The following ZNF469 variants were observed in gnomAD, a reference collection of about 807,000 sequenced individuals.
The protein encoded by ZNF469 is zinc finger protein 469.
In ZNF469, 1 loss-of-function variant was observed where a neutral mutation model predicts 1.0. The observed-to-expected ratio is 1.00, with a 90% CI of 0.35 to 4.73. The LOEUF (loss-of-function observed/expected upper bound fraction) is 4.73. Ranked by LOEUF, ZNF469 falls within the 30% of genes most tolerant of loss-of-function variation. The probability of loss-of-function intolerance (pLI) is 0.16; values close to 1 mark genes in which losing one functional copy is unlikely to be tolerated. For missense variants in ZNF469, 6,100 were observed against 5,356.3 expected, an observed-to-expected ratio of 1.14 and a Z score of -4.33; for synonymous variants, 2,703 against 2,363.4, an observed-to-expected ratio of 1.14 and a Z score of -4.17.
the ZNF469 span, among the ~76,000 whole-genome samples, chr16:88,197,734 C>G: frequency 6.6e-6 from 1 of 152,210 alleles, no homozygotes; most frequent in African/African-American, 2.4e-5. Context: ...GCAGGCCCCC[C>G]CAGGGCCGGA....
At chr16:88,220,715 C>G in the ZNF469 span, among the ~76,000 whole-genome samples, 2 of 152,096 alleles carry the variant, frequency 1.3e-5, no homozygotes, top group Non-Finnish European at 2.9e-5. Flanking sequence ...CAAACAGGAA[C>G]CTGAGTCTGT....
the ZNF469 span, among the ~76,000 whole-genome samples, chr16:88,117,376 A>T: frequency 1.4e-4 from 22 of 152,206 alleles, no homozygotes; most frequent in Admixed American, 5.2e-4. Flanking sequence ...TTCAAAAATA[A>T]AAGTTTTTTT....
At chr16:88,286,512 C>A in the ZNF469 span, among the ~76,000 whole-genome samples, 1 of 152,272 alleles carries the variant, frequency 6.6e-6, no homozygotes, top group Admixed American at 6.5e-5. Context: ...CATCCTCTGG[C>A]TGCTGATCTG....
At chr16:88,208,320 C>T in the ZNF469 span, among the ~76,000 whole-genome samples, 1 of 150,896 alleles carries the variant, frequency 6.6e-6, no homozygotes, top group Non-Finnish European at 1.5e-5. Flanking sequence ...CTGTCACGTG[C>T]CGCAATCTGG....
the ZNF469 span, among the ~76,000 whole-genome samples, chr16:88,354,211 G>A: frequency 1.3e-5 from 2 of 152,196 alleles, no homozygotes; most frequent in Non-Finnish European, 2.9e-5. Flanking sequence ...GTCTGCCGCA[G>A]GAGCCGCCAG....
chr16:88,215,648 C>T, the ZNF469 span, among the ~76,000 whole-genome samples: 2 of 151,968 alleles, frequency 1.3e-5, no homozygotes, highest in Non-Finnish European at 2.9e-5. Context: ...CCTCGGCCTC[C>T]CAAAGTCCTG....
chr16:88,247,825 GTGAGTGAGTGTATGAA>G, the ZNF469 span, among the ~76,000 whole-genome samples: 1 of 151,810 alleles, frequency 6.6e-6, no homozygotes, highest in African/African-American at 2.4e-5. Context: ...GAGTGAATGA[GTGAGTGAGTGTATGAA>G]TGAGTGACTG....
At chr16:88,247,087 CTGAG>C in the ZNF469 span, among the ~76,000 whole-genome samples, 11 of 135,990 alleles carry the variant, frequency 8.1e-5, no homozygotes, top group South Asian at 1.2e-3. Context: ...GAGTGAATGA[CTGAG>C]TGAACGAGTG....
the ZNF469 span, among the ~76,000 whole-genome samples, chr16:88,254,026 A>C: frequency 2.0e-5 from 3 of 152,062 alleles, no homozygotes; most frequent in African/African-American, 7.2e-5. Context: ...TGATAAAGCC[A>C]AATTTAACTT....
At chr16:88,380,974 A>C (rs201438611), upstream of ZNF469, among the ~76,000 whole-genome samples, 15 of 138,530 alleles carry the variant, frequency 1.1e-4, no homozygotes, top group Non-Finnish European at 2.1e-4. Flanking sequence ...ACATGCACTC[A>C]CACATATGCA....
chr16:88,400,259 G>GA (rs1851998771), intron 1 of ZNF469, among the ~76,000 whole-genome samples: 2 of 152,190 alleles, frequency 1.3e-5, no homozygotes. Context: ...GACCCTTTCT[G>GA]CCCTCCTTGG....
At chr16:88,126,619 T>C in the ZNF469 span, among the ~76,000 whole-genome samples, 1 of 115,544 alleles carries the variant, frequency 8.7e-6, no homozygotes. Flanking sequence ...ACTCTGCATT[T>C]TTGGGATGAA....
At chr16:88,415,322 A>C (rs1279932562) in intron 1 of ZNF469, among the ~76,000 whole-genome samples, 1 of 152,120 alleles carries the variant, frequency 6.6e-6, no homozygotes, top group Non-Finnish European at 1.5e-5. Flanking sequence ...CGAACTGCCC[A>C]AGGCTCACCA....
the ZNF469 span, among the ~76,000 whole-genome samples, chr16:88,229,529 C>G: frequency 7.2e-6 from 1 of 139,176 alleles, no homozygotes; most frequent in South Asian, 2.3e-4. Flanking sequence ...TGCGTGTGTG[C>G]TGATGTCACG....
the ZNF469 span, among the ~76,000 whole-genome samples, chr16:88,362,685 A>G: frequency 6.6e-6 from 1 of 152,218 alleles, no homozygotes; most frequent in South Asian, 2.1e-4. Flanking sequence ...TGACTATGAT[A>G]TGCCTGAATA....
the ZNF469 span, among the ~76,000 whole-genome samples, chr16:88,312,242 T>A: frequency 6.6e-6 from 1 of 152,204 alleles, no homozygotes; most frequent in South Asian, 2.1e-4. Flanking sequence ...GAACTACAGT[T>A]CAAGATGAGA....
the ZNF469 span, among the ~76,000 whole-genome samples, chr16:88,163,753 G>C: frequency 1.2e-4 from 18 of 151,994 alleles, no homozygotes; most frequent in African/African-American, 4.4e-4. Flanking sequence ...GGATGGGTAA[G>C]TGGATGAATG....
chr16:88,323,850 G>A, the ZNF469 span, among the ~76,000 whole-genome samples: 5 of 152,228 alleles, frequency 3.3e-5, no homozygotes, highest in Admixed American at 3.3e-4. Flanking sequence ...AGGGTGTTGT[G>A]TGTCCATCCT....
chr16:88,320,423 G>A, the ZNF469 span, among the ~76,000 whole-genome samples: 5 of 151,950 alleles, frequency 3.3e-5, no homozygotes, highest in South Asian at 4.2e-4. Context: ...TTGCTCTGTC[G>A]CCCAGGCTGG....
Sources: gnomAD v4.1 joint callset for allele counts (sites outside exome capture counted in the v4.1 genomes callset) on GRCh38, gnomAD v4.1.1 for gene constraint, MANE v1.5 for transcripts, NCBI Gene and HGNC (gene_info 2026-07-23, HGNC 2026-07-21) for gene names.